SPIDR: variants seen among roughly 807,000 people sequenced by gnomAD.
SPIDR encodes the protein scaffold protein involved in DNA repair.
In SPIDR, 93 loss-of-function variants were observed where a neutral mutation model predicts 104.6. That is an observed-to-expected ratio of 0.89 (90% CI 0.75 to 1.06). SPIDR has a LOEUF of 1.06. Among genes scored for constraint, SPIDR ranks in the 50% least tolerant of loss-of-function variants. The pLI is 0.00. For missense variants in SPIDR, 1,154 were observed against 1,111.2 expected, an observed-to-expected ratio of 1.04 and a Z score of -0.55; for synonymous variants, 431 against 416.9, an observed-to-expected ratio of 1.03 and a Z score of -0.41.
intron 8 of SPIDR, among the ~76,000 whole-genome samples, chr8:47,443,665 G>A (rs2069933110): frequency 7.0e-6 from 1 of 142,840 alleles, no homozygotes; most frequent in African/African-American, 2.6e-5. Flanking sequence ...ATGGAAACTT[G>A]AGAAATAATA....
intron 11 of SPIDR, among the ~76,000 whole-genome samples, chr8:47,678,953 G>A (rs1215947153): frequency 2.0e-5 from 3 of 152,156 alleles, no homozygotes; most frequent in African/African-American, 7.2e-5. Flanking sequence ...GTAGCCCCCA[G>A]TGGGATTCCC....
chr8:47,327,621 G>A (rs1269542132), intron 5 of SPIDR, among the ~76,000 whole-genome samples: 2 of 151,982 alleles, frequency 1.3e-5, no homozygotes, highest in African/African-American at 4.8e-5. Context: ...GGAGTGGAGT[G>A]GCGCAATCTT....
At chr8:47,383,776 T>C (rs2059587272) in intron 5 of SPIDR, among the ~76,000 whole-genome samples, 1 of 152,208 alleles carries the variant, frequency 6.6e-6, no homozygotes, top group African/African-American at 2.4e-5. Flanking sequence ...TAGAAAATTA[T>C]TTTTATAAGT....
rs550506526 is a variant in SPIDR, at chr8:47,727,220, G to A, written c.2362G>A (p.Glu788Lys). 38 of 1,614,136 alleles carry A rather than the reference G, an allele frequency of 2.4e-5. No individual in the cohort carries two copies. The highest frequency in any genetic ancestry group is 1.5e-4 in the South Asian group (14 of 91,076). The stretch of plus-strand genomic sequence containing the variant: ...CCTAGGCACTGTGGTTGGCGTGGAC[G>A]AGAGCACTGCTTTCTCATGGCCTGT... Reference protein sequence around the residue: ...SVQGTVVGVDESTAFSWPVCD... With the variant: ...SVQGTVVGVDKSTAFSWPVCD... The change falls in exon 17 of 20, where the codon GAG becomes AAG. Residue 788 changes from glutamate to lysine, a missense_variant. Transcript: ENST00000297423.
chr8:47,605,511 C>G (rs1408431535), intron 10 of SPIDR, among the ~76,000 whole-genome samples: 3 of 152,200 alleles, frequency 2.0e-5, no homozygotes, highest in Non-Finnish European at 2.9e-5. Context: ...CATTCTGTCT[C>G]TTGTTTCCTA....
intron 5 of SPIDR, among the ~76,000 whole-genome samples, chr8:47,382,532 C>T (rs2059436041): frequency 6.6e-6 from 1 of 152,196 alleles, no homozygotes; most frequent in Admixed American, 6.5e-5. Flanking sequence ...CCTGCCTCAG[C>T]CTCTGGAGTA....
intron 7 of SPIDR, among the ~76,000 whole-genome samples, chr8:47,428,126 A>G (rs542856393): frequency 2.0e-4 from 31 of 152,266 alleles, no homozygotes; most frequent in Admixed American, 1.5e-3. Context: ...GTTTCACCAC[A>G]TTGGCCAGGC....
At chr8:47,572,396 G>A (rs2058623970) in intron 8 of SPIDR, among the ~76,000 whole-genome samples, 1 of 152,150 alleles carries the variant, frequency 6.6e-6, no homozygotes, top group African/African-American at 2.4e-5. Flanking sequence ...GGGCACGGTG[G>A]CTCATGCCTG....
chr8:47,463,569 A>G (rs1358384104), intron 8 of SPIDR, among the ~76,000 whole-genome samples: 10 of 152,178 alleles, frequency 6.6e-5, no homozygotes, highest in African/African-American at 2.4e-4. Flanking sequence ...CAAAGATTTT[A>G]CAAGAAAACT....
intron 5 of SPIDR, among the ~76,000 whole-genome samples, chr8:47,314,395 C>G (rs1554588000): frequency 6.6e-6 from 1 of 152,076 alleles, no homozygotes; most frequent in Non-Finnish European, 1.5e-5. Context: ...TGTTCTCATA[C>G]TGCTAATAAA....
At chr8:47,709,954 T>C (rs1302544266) in intron 14 of SPIDR, among the ~76,000 whole-genome samples, 2 of 149,566 alleles carry the variant, frequency 1.3e-5, no homozygotes, top group Non-Finnish European at 2.9e-5. Context: ...CTCAGCACAC[T>C]GCAACCTCCG....
At chr8:47,405,933 A>T (rs990737371) in intron 6 of SPIDR, among the ~76,000 whole-genome samples, 3 of 152,228 alleles carry the variant, frequency 2.0e-5, no homozygotes, top group African/African-American at 7.2e-5. Context: ...CTCAGGTGAG[A>T]TGCAGATTTT....
At chr8:47,606,622 T>C in intron 10 of SPIDR, among the ~76,000 whole-genome samples, 1 of 152,172 alleles carries the variant, frequency 6.6e-6, no homozygotes. Context: ...CATGCACTAG[T>C]AGATCGTGGA....
intron 11 of SPIDR, among the ~76,000 whole-genome samples, chr8:47,678,567 CAGAG>C (rs754383011): frequency 2.2e-4 from 34 of 152,174 alleles, no homozygotes; most frequent in Non-Finnish European, 4.4e-4. Flanking sequence ...AGCACCCACA[CAGAG>C]AGCGGAGGCT....
intron 16 of SPIDR, among the ~76,000 whole-genome samples, chr8:47,722,546 A>G (rs1161220382): frequency 1.3e-5 from 2 of 152,220 alleles, no homozygotes; most frequent in Non-Finnish European, 2.9e-5. Flanking sequence ...AGAAAATAAT[A>G]TTAGCTCTCC....
In SPIDR at chr8:47,625,963, T is replaced by C. The variant is rs911915609; in HGVS notation, c.1544+26767T>C. ...TAAGCCAAAAGAACAAAGCTGGAGG[T>C]ATCACACTACCTGACTTCAAACTAT... On this transcript the variant is annotated intron_variant, in intron 10 of 19. Transcript: ENST00000297423. Among the ~76,000 whole-genome samples, 12 of 151,926 alleles carry C rather than the reference T, an allele frequency of 7.9e-5. No individual in the cohort carries two copies. The South Asian group carries it at 8.3e-4, about 11-fold the overall frequency.
intron 5 of SPIDR, among the ~76,000 whole-genome samples, chr8:47,311,679 C>A (rs1282042773): frequency 6.6e-6 from 1 of 151,554 alleles, no homozygotes; most frequent in Non-Finnish European, 1.5e-5. Flanking sequence ...CTTGAAAGCA[C>A]CCTGAGAAAT....
At chr8:47,368,967 A>G (rs1175328490) in intron 5 of SPIDR, among the ~76,000 whole-genome samples, 1 of 152,244 alleles carries the variant, frequency 6.6e-6, no homozygotes, top group African/African-American at 2.4e-5. Context: ...GTGATGCCAG[A>G]TAAATGACTG....
chr8:47,476,057 G>A (rs1554723607), intron 8 of SPIDR, among the ~76,000 whole-genome samples: 1 of 152,116 alleles, frequency 6.6e-6, no homozygotes, highest in East Asian at 1.9e-4. Flanking sequence ...TGAATATCAG[G>A]CAGGACCAAT....
Sources: allele counts gnomAD v4.1 joint callset (sites outside exome capture counted in the v4.1 genomes callset), GRCh38; gene constraint gnomAD v4.1.1; transcripts MANE v1.5; gene names NCBI Gene and HGNC (gene_info 2026-07-23, HGNC 2026-07-21).